GALK2: variants seen among roughly 807,000 people sequenced by gnomAD.
GALK2 encodes N-acetylgalactosamine kinase.
GALK2 carries 36 observed loss-of-function variants against 52.4 expected under a neutral mutation model. That is an observed-to-expected ratio of 0.69 (90% CI 0.53 to 0.91). The LOEUF is 0.91. Among genes scored for constraint, GALK2 ranks in the 40% least tolerant of loss-of-function variants. GALK2 has a pLI of 0.00. For synonymous variants in GALK2, 176 were observed against 199.1 expected (o/e 0.88, Z 0.98); for missense variants, 579 against 559.1 (o/e 1.04, Z -0.36).
intron 6 of GALK2, among the ~76,000 whole-genome samples, chr15:49,282,809 T>C (rs1595951725): frequency 6.6e-6 from 1 of 152,348 alleles, no homozygotes; most frequent in East Asian, 1.9e-4. Flanking sequence ...ATATTTGTTA[T>C]TGATTCCCCT....
intron 7 of GALK2, among the ~76,000 whole-genome samples, chr15:49,284,943 A>G (rs1425502356): frequency 1.3e-5 from 2 of 152,124 alleles, no homozygotes; most frequent in Admixed American, 6.5e-5. Context: ...CTATTCTAGT[A>G]TTTTGTATTA....
At chr15:49,199,255 A>G (rs937240364) in intron 1 of GALK2, 3 of 152,096 alleles carry the variant, frequency 2.0e-5, no homozygotes, top group Admixed American at 2.0e-4. Flanking sequence ...GTAGTTCACT[A>G]TGGTCTTCTT....
At chr15:49,325,717 T>C (rs2037365835) in intron 9 of GALK2, among the ~76,000 whole-genome samples, 1 of 152,200 alleles carries the variant, frequency 6.6e-6, no homozygotes, top group Non-Finnish European at 1.5e-5. Context: ...TATCATTCTT[T>C]ATTTGGGAAA....
At chr15:49,360,058 G>A (rs1241521674) in intron 3 of GALK2, among the ~76,000 whole-genome samples, 1 of 131,894 alleles carries the variant, frequency 7.6e-6, no homozygotes, top group Non-Finnish European at 1.6e-5. Context: ...ATGGACACAG[G>A]AAGGGGAATA....
chr15:49,212,929 C>G (rs978114130), intron 2 of GALK2, among the ~76,000 whole-genome samples: 18 of 152,060 alleles, frequency 1.2e-4, no homozygotes, highest in African/African-American at 4.1e-4. Context: ...TAAGATCTAT[C>G]CTGGAGAATA....
intron 9 of GALK2, among the ~76,000 whole-genome samples, chr15:49,326,145 G>A (rs540447289): frequency 3.9e-5 from 6 of 152,098 alleles, no homozygotes; most frequent in Non-Finnish European, 7.4e-5. Context: ...CCATGTCATG[G>A]CTGGCTTTAA....
chr15:49,343,993 T>G (rs1423259007), intron 3 of GALK2: 3 of 152,254 alleles, frequency 2.0e-5, no homozygotes, highest in African/African-American at 7.2e-5. Flanking sequence ...GAGATTTCAT[T>G]CTGCATAGTA....
chr15:49,259,433 T>C lies in GALK2; in HGVS notation c.504+20066T>C, dbSNP rs1290393783. 3.4e-5 allele frequency among the ~76,000 whole-genome samples: 5 copies of C among 147,590 alleles called. No homozygotes were observed. In the East Asian group the frequency reaches 1.0e-3, roughly 31 times the overall value. ...CAGTTCCCACCTATGAGTGAGAATA[T>C]GTGGTGTTTGGTTATTTGTTCTTGT... On this transcript the variant is annotated intron_variant, in intron 5 of 9. Coordinates refer to ENST00000560031, the MANE Select transcript of GALK2 (RefSeq NM_002044.4).
chr15:49,299,960 T>C (rs904781741), intron 8 of GALK2, among the ~76,000 whole-genome samples: 1 of 151,876 alleles, frequency 6.6e-6, no homozygotes, highest in Non-Finnish European at 1.5e-5. Flanking sequence ...ATCTGTTAGG[T>C]CCATTTGGTC....
chr15:49,198,438 A>G (rs967091783), intron 1 of GALK2, among the ~76,000 whole-genome samples: 10 of 152,152 alleles, frequency 6.6e-5, no homozygotes, highest in African/African-American at 1.4e-4. Flanking sequence ...CAACAAATCT[A>G]TGGGATACAT....
chr15:49,206,770 G>A (rs923990859), intron 2 of GALK2, among the ~76,000 whole-genome samples: 4 of 151,968 alleles, frequency 2.6e-5, no homozygotes, highest in Non-Finnish European at 4.4e-5. Context: ...GTAAACGATC[G>A]TATCATCAGC....
Position 49,207,065 on chromosome 15 carries a change from G to A in GALK2, c.142+5815G>A, listed in dbSNP as rs367842903. Among the ~76,000 whole-genome samples, 10 of 152,168 alleles carry A rather than the reference G, an allele frequency of 6.6e-5. No homozygotes were observed. In the East Asian group the frequency reaches 7.7e-4, roughly 12 times the overall value. ...ATCATAAAGCTTGCTGGATTTTGTC[G>A]AATGCTTTTTCTGCATCTATTGAGA... On this transcript the variant is annotated intron_variant, in intron 2 of 9. Coordinates refer to ENST00000560031, the MANE Select transcript of GALK2 (RefSeq NM_002044.4).
intron 1 of GALK2, among the ~76,000 whole-genome samples, chr15:49,192,485 G>GTATATATATATATATATATA (rs58230206): frequency 1.9e-5 from 2 of 102,972 alleles, no homozygotes; most frequent in Non-Finnish European, 3.8e-5. Context: ...ATATATATAT[G>GTATATATATATATATATATA]TATATATATA....
At chr15:49,220,964 T>C (rs1184299032) in intron 3 of GALK2, among the ~76,000 whole-genome samples, 1 of 152,232 alleles carries the variant, frequency 6.6e-6, no homozygotes, top group East Asian at 1.9e-4. Context: ...TTTGAGTTCC[T>C]TGTATATTTT....
chr15:49,319,874 CA>C (rs2036745043), intron 9 of GALK2, 69 bp downstream of exon 9: 2 of 1,330,260 alleles, frequency 1.5e-6, no homozygotes, highest in East Asian at 5.0e-5. Context: ...GAAAAAAATG[CA>C]ACATTTCATA....
upstream of GALK2, among the ~76,000 whole-genome samples, chr15:49,168,516 C>T (rs542684181): frequency 1.3e-5 from 2 of 152,172 alleles, no homozygotes; most frequent in Non-Finnish European, 2.9e-5. Flanking sequence ...GTCAGGAGCT[C>T]GAGACCAGCC....
At chr15:49,367,333 A>G in intron 3 of GALK2, 1 of 957,676 alleles carries the variant, frequency 1.0e-6, no homozygotes, top group Non-Finnish European at 1.5e-6. Context: ...AATACTAAAC[A>G]GAAGCATTGA....
intron 3 of GALK2, among the ~76,000 whole-genome samples, chr15:49,349,461 T>C (rs1158222450): frequency 1.3e-5 from 2 of 152,226 alleles, no homozygotes; most frequent in South Asian, 2.1e-4. Context: ...AAAATTTAAA[T>C]ACTTGATATA....
intron 8 of GALK2, among the ~76,000 whole-genome samples, chr15:49,314,309 T>C (rs1170691844): frequency 1.3e-5 from 2 of 152,248 alleles, no homozygotes; most frequent in East Asian, 3.8e-4. Flanking sequence ...ATCTCTTTTC[T>C]CTCACATCTG....
Sources: gnomAD v4.1 joint callset for allele counts (sites outside exome capture counted in the v4.1 genomes callset) on GRCh38, gnomAD v4.1.1 for gene constraint, MANE v1.5 for transcripts, NCBI Gene and HGNC (gene_info 2026-07-23, HGNC 2026-07-21) for gene names.